PPME1: variants seen among roughly 807,000 people sequenced by gnomAD.
The protein encoded by PPME1 is testicular secretory protein Li 39.
Under a neutral mutation model 56.9 loss-of-function variants are expected in PPME1, and 17 were observed. The ratio of observed to expected loss-of-function variants is 0.30; its 90% CI spans 0.20 to 0.45. The LOEUF (loss-of-function observed/expected upper bound fraction) is 0.45. Among genes scored for constraint, PPME1 ranks in the 20% least tolerant of loss-of-function variants. PPME1 has a pLI of 1.00. For synonymous variants in PPME1, 122 were observed against 156.2 expected (o/e 0.78, Z 1.63); for missense variants, 357 against 483.2 (o/e 0.74, Z 2.45).
At chr11:74,252,216 C>T (rs1024590814) in intron 13 of PPME1, among the ~76,000 whole-genome samples, 6 of 149,066 alleles carry the variant, frequency 4.0e-5, no homozygotes, top group South Asian at 4.3e-4. Flanking sequence ...CACAGGCGTA[C>T]GCCACCGTAC....
chr11:74,172,477 G>A (rs984874891), intron 1 of PPME1, among the ~76,000 whole-genome samples: 4 of 152,320 alleles, frequency 2.6e-5, no homozygotes, highest in Non-Finnish European at 5.9e-5. Flanking sequence ...GGGAAGCGAC[G>A]TACTGGCCTA....
chr11:74,241,579 G>A (rs997717175), intron 9 of PPME1, among the ~76,000 whole-genome samples: 2 of 152,206 alleles, frequency 1.3e-5, no homozygotes, highest in Non-Finnish European at 2.9e-5. Flanking sequence ...GTTTTCCAAA[G>A]CAGGTGCACC....
intron 4 of PPME1, among the ~76,000 whole-genome samples, chr11:74,222,944 A>AT (rs61147423): frequency 0.087 from 12,934 of 149,484 alleles, 1,351 homozygotes; most frequent in African/African-American, 0.26. Flanking sequence ...TTTTTTTTTA[A>AT]TTTTTTTTTA....
intron 3 of PPME1, among the ~76,000 whole-genome samples, chr11:74,206,767 G>C (rs896519770): frequency 2.6e-5 from 4 of 151,986 alleles, no homozygotes; most frequent in Non-Finnish European, 4.4e-5. Flanking sequence ...GGGTCTCACT[G>C]TGTTCCCCAG....
chr11:74,230,765 C>T lies in PPME1; in HGVS notation c.554-147C>T. The T allele has an allele frequency of 2.9e-6, 2 of 691,634 alleles. No individual in the cohort carries two copies. The highest frequency in any genetic ancestry group is 4.9e-6 in the Non-Finnish European group (2 of 409,436). The allele number at this position is 691,634 out of a possible 1,614,324, so 42.8% of individuals were successfully genotyped here. A position where few individuals can be genotyped will look rare whatever the true frequency, so the allele number is the denominator to read the frequency against. ...CATAAAGAAGTGAATACCCCAGAGGCAAAAATTATTGAGGGCCATCTTTAT... is the reference window on the plus strand; with the variant it reads ...CATAAAGAAGTGAATACCCCAGAGGTAAAAATTATTGAGGGCCATCTTTAT... On this transcript the variant is annotated intron_variant, in intron 6 of 13. Coordinates refer to ENST00000328257, the MANE Select transcript of PPME1 (RefSeq NM_016147.3). The surrounding 1 kb of genome is among the most constrained non-coding windows in gnomAD (Gnocchi z 4.9).
At chr11:74,227,839 G>A (rs1858969596) in intron 5 of PPME1, among the ~76,000 whole-genome samples, 1 of 152,054 alleles carries the variant, frequency 6.6e-6, no homozygotes, top group African/African-American at 2.4e-5. Context: ...AGATGATCAA[G>A]TGATTGATCG....
chr11:74,195,226 T>C (rs1269442299), intron 1 of PPME1, among the ~76,000 whole-genome samples: 1 of 152,236 alleles, frequency 6.6e-6, no homozygotes. Flanking sequence ...CCTGTTTGTC[T>C]CTCCTCGAGA....
chr11:74,185,675 G>A (rs143674113), intron 1 of PPME1, among the ~76,000 whole-genome samples: 1,810 of 142,170 alleles, frequency 0.013, 35 homozygotes, highest in African/African-American at 0.044. Flanking sequence ...TTAACTTTTC[G>A]AGTTGTAGAA....
In PPME1 at chr11:74,190,459, G is replaced by A. The variant is rs528027974; in HGVS notation, c.102-13269G>A. Among the ~76,000 whole-genome samples, 25 of 152,294 alleles carry A rather than the reference G, an allele frequency of 1.6e-4. No homozygotes were observed. The East Asian group carries it at 2.1e-3, about 13-fold the overall frequency. ...GGCTGCTCCAGCTTTACCTTCCACC[G>A]TGATTGTAAGCTTCTGAAGCCCTCA... is the stretch of plus-strand genomic sequence containing the variant. On this transcript the variant is annotated intron_variant, in intron 1 of 13. Coordinates refer to ENST00000328257, the MANE Select transcript of PPME1 (RefSeq NM_016147.3).
chr11:74,212,059 ACC>A (rs1858491489), intron 3 of PPME1, among the ~76,000 whole-genome samples: 1 of 152,242 alleles, frequency 6.6e-6, no homozygotes, highest in Non-Finnish European at 1.5e-5. Context: ...TGATCACAGT[ACC>A]TAGATTTATC....
chr11:74,193,604 C>G (rs887519956), intron 1 of PPME1, among the ~76,000 whole-genome samples: 1 of 152,162 alleles, frequency 6.6e-6, no homozygotes, highest in Non-Finnish European at 1.5e-5. Context: ...TTCAGAACTT[C>G]AGTTTGACAT....
intron 1 of PPME1, among the ~76,000 whole-genome samples, chr11:74,192,983 C>T (rs181884489): frequency 3.2e-4 from 48 of 152,224 alleles, no homozygotes; most frequent in Non-Finnish European, 4.7e-4. Flanking sequence ...AATAAAATAC[C>T]GTGTTCAGTA....
chr11:74,205,923 A>G (rs556289642), intron 3 of PPME1: 2 of 152,296 alleles, frequency 1.3e-5, no homozygotes, highest in East Asian at 3.9e-4. Context: ...CAATAAATTA[A>G]TTTTAATGTA....
intron 3 of PPME1, among the ~76,000 whole-genome samples, chr11:74,220,407 A>C (rs1858768505): frequency 6.6e-6 from 1 of 152,234 alleles, no homozygotes; most frequent in South Asian, 2.1e-4. Context: ...GAAAATGTGT[A>C]AATAACTTGA....
At chr11:74,251,952 C>G in intron 13 of PPME1, 2 of 708,576 alleles carry the variant, frequency 2.8e-6, no homozygotes, top group South Asian at 2.7e-5. Context: ...TGTGCCTAGT[C>G]TCACTCCCCA....
intron 3 of PPME1, among the ~76,000 whole-genome samples, chr11:74,209,394 T>C (rs1328277536): frequency 6.6e-6 from 1 of 152,208 alleles, no homozygotes; most frequent in Non-Finnish European, 1.5e-5. Flanking sequence ...TGAGCTACTG[T>C]GTCTGGCCAT....
chr11:74,183,211 G>C (rs76128493), intron 1 of PPME1, among the ~76,000 whole-genome samples: 19,945 of 151,990 alleles, frequency 0.13, 3,594 homozygotes, highest in African/African-American at 0.41. Flanking sequence ...GTGGGAGGAT[G>C]AATTGAGCCC....
chr11:74,228,754 G>A (rs913076115), intron 5 of PPME1, among the ~76,000 whole-genome samples: 1 of 152,180 alleles, frequency 6.6e-6, no homozygotes, highest in African/African-American at 2.4e-5. Context: ...CAGGGCTGCT[G>A]AAGGATTACG....
chr11:74,235,899 A>G lies in PPME1; in HGVS notation c.645-2A>G, dbSNP rs1859178657. 1.2e-6 allele frequency: 2 copies of G among 1,610,390 alleles called. No individual in the cohort carries two copies. Among genetic ancestry groups the G allele is most frequent in the African/African-American group, 1.3e-5 (1 of 74,850 alleles). On this transcript the variant is annotated splice_acceptor_variant, in intron 7 of 13. Coordinates refer to ENST00000328257, the MANE Select transcript of PPME1 (RefSeq NM_016147.3). LOFTEE classifies it high-confidence loss of function. ...TCTCTCTTCCTTTCTTTTCTTTCCC[A>G]GTGTGAAGAGTGGCCAGATTCGAAA...
Sources: gnomAD v4.1 joint callset for allele counts (sites outside exome capture counted in the v4.1 genomes callset) on GRCh38, gnomAD v4.1.1 for gene constraint, Gnocchi (gnomAD v3.1) non-coding constraint, MANE v1.5 for transcripts, NCBI Gene and HGNC (gene_info 2026-07-23, HGNC 2026-07-21) for gene names.